MTRES1: variants seen among roughly 807,000 people sequenced by gnomAD.
MTRES1 encodes the protein mitochondrial transcription rescue factor 1.
Under a neutral mutation model 17.4 loss-of-function variants are expected in MTRES1, and 11 were observed. The observed-to-expected ratio is 0.63, with a 90% CI of 0.40 to 1.05. MTRES1 has a LOEUF of 1.05. Ranked by LOEUF, MTRES1 falls within the 50% of genes least tolerant of loss-of-function variation. MTRES1 has a pLI of 0.00. For synonymous variants in MTRES1, 94 were observed against 99.6 expected (o/e 0.94, Z 0.34); for missense variants, 268 against 276.2 (o/e 0.97, Z 0.21).
At chr6:107,041,549 G>A (rs781783689) in intron 2 of MTRES1, among the ~76,000 whole-genome samples, 5 of 151,778 alleles carry the variant, frequency 3.3e-5, no homozygotes, top group Non-Finnish European at 4.4e-5. Flanking sequence ...TTTTTGAGAC[G>A]GAGTCTTGCT....
At chr6:107,042,708 C>CAA (rs1554227915) in intron 2 of MTRES1, among the ~76,000 whole-genome samples, 1 of 152,160 alleles carries the variant, frequency 6.6e-6, no homozygotes, top group Admixed American at 6.6e-5. Flanking sequence ...GTTTTTCTCT[C>CAA]AGTGTACAGA....
intron 3 of MTRES1, among the ~76,000 whole-genome samples, chr6:107,047,800 C>T (rs1322801785): frequency 6.6e-6 from 1 of 151,994 alleles, no homozygotes; most frequent in Non-Finnish European, 1.5e-5. Context: ...GCAGGAGAAT[C>T]GTTTGAATCC....
chr6:107,030,085 C>T (rs1446445518), intron 1 of MTRES1: 3 of 718,262 alleles, frequency 4.2e-6, no homozygotes, highest in South Asian at 1.5e-5. Flanking sequence ...ATTCCTAGTG[C>T]CCAGATTAGT....
intron 3 of MTRES1, among the ~76,000 whole-genome samples, chr6:107,046,930 T>TTGTGTGTGTG (rs67662472): frequency 2.7e-4 from 9 of 33,014 alleles, no homozygotes; most frequent in African/African-American, 5.4e-4. Flanking sequence ...GGATTCATTC[T>TTGTGTGTGTG]TGTGTGTGTG....
chr6:107,035,105 T>C (rs1259853080), intron 1 of MTRES1, among the ~76,000 whole-genome samples: 2 of 152,168 alleles, frequency 1.3e-5, no homozygotes, highest in Non-Finnish European at 2.9e-5. Context: ...ATGAGGGAAC[T>C]GCACAAGGTC....
In MTRES1 at chr6:107,044,302, T is replaced by A. The variant is rs1387329100; in HGVS notation, c.513T>A (p.Asn171Lys). ...TCTACAAAGGTGAACTCAGGCTGAA[T>A]GAGGAAAAATTATGGAAGAAAAGCA... is the stretch of plus-strand genomic sequence containing the variant. ...DAFYKGELRL[N>K]EEKLWKKSRT... The change falls in exon 3 of 4, where the codon AAT (asparagine) becomes AAA (lysine). Residue 171 changes from asparagine (N) to lysine (K), a missense_variant. Asn to Lys is a moderately conservative substitution (Grantham distance 94). Transcript: ENST00000311381. 2.5e-6 allele frequency: 4 copies of A among 1,613,876 alleles called. No homozygotes were observed. The highest frequency in any genetic ancestry group is 3.4e-6 in the Non-Finnish European group (4 of 1,179,906).
At chr6:107,038,480 G>GT (rs1774082435) in intron 1 of MTRES1, among the ~76,000 whole-genome samples, 1 of 152,152 alleles carries the variant, frequency 6.6e-6, no homozygotes, top group South Asian at 2.1e-4. Context: ...ACAAGCACTT[G>GT]TTGCAGTTCC....
rs904512574 is a variant in MTRES1, at chr6:107,030,859, G to A, written c.-13+2588G>A. On this transcript the variant is annotated intron_variant, in intron 1 of 3. Transcript: ENST00000311381. ...AGTCTCAGGCCTGTTATGTTAACTC[G>A]TTTCTGCACAGATGTACGAGTCTGG... Among the ~76,000 whole-genome samples the A allele has an allele frequency of 4.6e-5, 7 of 152,116 alleles. No homozygotes were observed. In the South Asian group the frequency reaches 1.2e-3, roughly 27 times the overall value.
intron 3 of MTRES1, among the ~76,000 whole-genome samples, chr6:107,048,076 A>C (rs1554228625): frequency 6.6e-6 from 1 of 152,146 alleles, no homozygotes; most frequent in Non-Finnish European, 1.5e-5. Context: ...TCATCTCTTT[A>C]AAAATAGTAA....
chr6:107,045,514 A>AT (rs1562284601), intron 3 of MTRES1, among the ~76,000 whole-genome samples: 1 of 151,834 alleles, frequency 6.6e-6, no homozygotes, highest in East Asian at 1.9e-4. Context: ...GTTAGAAAAT[A>AT]TTTTTTTGTA....
chr6:107,038,781 G>A lies in MTRES1; in HGVS notation c.-12-968G>A, dbSNP rs190532838. Reference sequence around the variant, plus strand: ...CTTTAAAAACAAAACCAGGGCAGGCGTGGTGGCTCACGCCTGTAATCCCAG... The same window carrying A: ...CTTTAAAAACAAAACCAGGGCAGGCATGGTGGCTCACGCCTGTAATCCCAG... On this transcript the variant is annotated intron_variant, in intron 1 of 3. Transcript: ENST00000311381. Among the ~76,000 whole-genome samples the A allele has an allele frequency of 3.9e-3, 590 of 152,222 alleles. 2 individuals are homozygous for A. The highest frequency in any genetic ancestry group is 8.0e-3 in the Admixed American group (122 of 15,268).
At chr6:107,045,830 T>A (rs969197264) in intron 3 of MTRES1, among the ~76,000 whole-genome samples, 16 of 152,342 alleles carry the variant, frequency 1.1e-4, no homozygotes, top group African/African-American at 3.8e-4. Context: ...AGACATACTT[T>A]GGAGATTGTT....
intron 1 of MTRES1, among the ~76,000 whole-genome samples, chr6:107,036,515 G>A (rs1774013307): frequency 6.6e-6 from 1 of 151,842 alleles, no homozygotes; most frequent in Non-Finnish European, 1.5e-5. Flanking sequence ...ACTCCAGCCT[G>A]GGCAAACAAG....
At chr6:107,038,954 T>A (rs1323780809) in intron 1 of MTRES1, among the ~76,000 whole-genome samples, 1 of 151,982 alleles carries the variant, frequency 6.6e-6, no homozygotes, top group Admixed American at 6.6e-5. Flanking sequence ...CTGGGGAGGC[T>A]GAGGCAGGAA....
intron 1 of MTRES1, among the ~76,000 whole-genome samples, chr6:107,030,427 G>A (rs1400030386): frequency 6.6e-6 from 1 of 152,152 alleles, no homozygotes; most frequent in East Asian, 1.9e-4. Context: ...TCACAGCTGT[G>A]ATTTATTATA....
intron 1 of MTRES1, among the ~76,000 whole-genome samples, chr6:107,035,753 A>C (rs1468081878): frequency 1.3e-5 from 2 of 151,964 alleles, no homozygotes; most frequent in Non-Finnish European, 2.9e-5. Flanking sequence ...GGTTCAAGCG[A>C]TTCTCCTGCC....
chr6:107,044,511 C>G (rs1229886120), intron 3 of MTRES1, among the ~76,000 whole-genome samples, 179 bp downstream of exon 3: 1 of 152,168 alleles, frequency 6.6e-6, no homozygotes, highest in Non-Finnish European at 1.5e-5. Flanking sequence ...GGCACTTTCA[C>G]TTTTGCAGCC....
chr6:107,028,918 C>A, intron 1 of MTRES1: 1 of 980,204 alleles, frequency 1.0e-6, no homozygotes, highest in Non-Finnish European at 1.2e-6. Flanking sequence ...AAATGAACTT[C>A]CATCAGGTCA....
At chr6:107,048,064 C>A (rs1182586576) in intron 3 of MTRES1, among the ~76,000 whole-genome samples, 1 of 152,080 alleles carries the variant, frequency 6.6e-6, no homozygotes, top group African/African-American at 2.4e-5. Flanking sequence ...ACATGTGAGA[C>A]CTCATCTCTT....
Sources: gnomAD v4.1 joint callset for allele counts (sites outside exome capture counted in the v4.1 genomes callset) on GRCh38, gnomAD v4.1.1 for gene constraint, MANE v1.5 for transcripts, NCBI Gene and HGNC (gene_info 2026-07-23, HGNC 2026-07-21) for gene names.